KCNIP4: variants seen among roughly 807,000 people sequenced by gnomAD.
KCNIP4 encodes the protein Kv channel-interacting protein 4.
Under a neutral mutation model 34.0 loss-of-function variants are expected in KCNIP4, and 12 were observed. The ratio of observed to expected loss-of-function variants is 0.35; its 90% CI spans 0.23 to 0.57. The LOEUF (loss-of-function observed/expected upper bound fraction) is 0.57, where lower values mean the gene tolerates loss of function less well. KCNIP4 is among the 20% of genes least tolerant of loss of function. KCNIP4 has a pLI of 0.83. For synonymous variants in KCNIP4, 124 were observed against 102.2 expected, an observed-to-expected ratio of 1.21 and a Z score of -1.29; for missense variants, 238 against 311.7, an observed-to-expected ratio of 0.76 and a Z score of 1.78.
intron 1 of KCNIP4, among the ~76,000 whole-genome samples, chr4:21,477,129 G>A (rs1331148317): frequency 6.6e-6 from 1 of 152,186 alleles, no homozygotes. Flanking sequence ...CATGGGTTGA[G>A]TTATAATGAA....
At chr4:21,735,770 G>C (rs1043171427) in intron 1 of KCNIP4, among the ~76,000 whole-genome samples, 1 of 152,042 alleles carries the variant, frequency 6.6e-6, no homozygotes, top group Non-Finnish European at 1.5e-5. Context: ...CGAAGAATGG[G>C]GACTAGCCTG....
chr4:21,871,305 C>T (rs2109366388), intron 1 of KCNIP4, among the ~76,000 whole-genome samples: 1 of 133,896 alleles, frequency 7.5e-6, no homozygotes, highest in Non-Finnish European at 1.6e-5. Context: ...TGTGATGTTC[C>T]CCATATAAAT....
rs193130693 is a variant in KCNIP4 at position 21,736,086 on chromosome 4, T to G, written c.61+212485A>C. 3.7e-4 allele frequency among the ~76,000 whole-genome samples: 57 copies of G among 152,314 alleles called. 1 individual carries two copies. Among genetic ancestry groups the G allele is most frequent in the African/African-American group, 1.3e-3 (55 of 41,582 alleles). ...TCATTTAACCTTAATGTGGTGACTG[T>G]GGAAGCTGTCAGCCTGAGTCCCTGA... On this transcript the variant is annotated intron_variant, in intron 1 of 8. Transcript: ENST00000382152.
chr4:20,757,797 T>C (rs1348954801), intron 4 of KCNIP4, among the ~76,000 whole-genome samples: 1 of 152,044 alleles, frequency 6.6e-6, no homozygotes, highest in African/African-American at 2.4e-5. Context: ...ATAGGTAGGG[T>C]TGTTGGATGG....
intron 1 of KCNIP4, among the ~76,000 whole-genome samples, chr4:21,305,708 C>G (rs1712388578): frequency 6.6e-6 from 1 of 152,240 alleles, no homozygotes; most frequent in South Asian, 2.1e-4. Flanking sequence ...CTCTACCTGA[C>G]AGCTCAGCTT....
chr4:21,899,409 A>G (rs1374331231), intron 1 of KCNIP4, among the ~76,000 whole-genome samples: 2 of 152,196 alleles, frequency 1.3e-5, no homozygotes, highest in Non-Finnish European at 1.5e-5. Flanking sequence ...CCACTGTTAT[A>G]CAATATAGTA....
chr4:21,730,497 C>G (rs1224427694), intron 1 of KCNIP4, among the ~76,000 whole-genome samples: 6 of 151,948 alleles, frequency 3.9e-5, no homozygotes, highest in Non-Finnish European at 8.8e-5. Flanking sequence ...TGGCAAAGCA[C>G]AAAATCATGC....
Position 21,556,920 on chromosome 4 carries a change from C to CAAAAAAAAAAAAAAAAAAA in KCNIP4, c.61+391650_61+391651insTTTTTTTTTTTTTTTTTTT, listed in dbSNP as rs1281543089. Among the ~76,000 whole-genome samples the CAAAAAAAAAAAAAAAAAAA allele has an allele frequency of 1.2e-3, 43 of 35,526 alleles. 1 individual carries two copies. Among genetic ancestry groups the CAAAAAAAAAAAAAAAAAAA allele is most frequent in the East Asian group, 2.5e-3 (2 of 794 alleles). 23.3% of individuals were successfully genotyped at this position (35,526 alleles called of 152,430 possible). ...TGATCAACAAAGCAAGACTCCATCT[C>CAAAAAAAAAAAAAAAAAAA]AGAAAAAAAAAAAAAAAAAAAAACC... On this transcript the variant is annotated intron_variant, in intron 1 of 8. Coordinates refer to ENST00000382152, the MANE Select transcript of KCNIP4 (RefSeq NM_025221.6).
At chr4:21,910,783 A>C (rs1327466920) in intron 1 of KCNIP4, among the ~76,000 whole-genome samples, 1 of 152,204 alleles carries the variant, frequency 6.6e-6, no homozygotes, top group Non-Finnish European at 1.5e-5. Flanking sequence ...TTTTCTCAGA[A>C]GATTAAAAAA....
chr4:20,829,129 T>C (rs1032173800), intron 3 of KCNIP4, among the ~76,000 whole-genome samples: 1 of 152,232 alleles, frequency 6.6e-6, no homozygotes, highest in African/African-American at 2.4e-5. Context: ...TAAACCATTG[T>C]GAAGTGTGTC....
intron 1 of KCNIP4, among the ~76,000 whole-genome samples, chr4:21,100,964 A>C (rs1055550130): frequency 1.3e-5 from 2 of 152,114 alleles, no homozygotes; most frequent in Non-Finnish European, 2.9e-5. Flanking sequence ...TATCACCTAA[A>C]ACCTTCTTAA....
intron 1 of KCNIP4, among the ~76,000 whole-genome samples, chr4:21,109,629 G>T (rs550326168): frequency 2.2e-4 from 33 of 152,282 alleles, no homozygotes; most frequent in African/African-American, 7.7e-4. Flanking sequence ...CCACTGTCTG[G>T]CACTCCCTAG....
rs746017135 is a variant in KCNIP4 at position 20,803,724 on chromosome 4, AGAG to A, written c.289-44837_289-44835del. On this transcript the variant is annotated intron_variant, in intron 3 of 8. Transcript: ENST00000382152. The stretch of plus-strand genomic sequence containing the variant: ...GAGAAAGAGAGAGAGAGAGAGAGAG[AGAG>A]AGGAAGGAAGGAAGGAAGGAAGGAA... 1.2e-3 allele frequency among the ~76,000 whole-genome samples: 81 copies of A among 67,128 alleles called. No homozygotes were observed. The East Asian group carries it at 0.012, about 10-fold the overall frequency. The allele number at this position is 67,128 out of a possible 152,430, so 44.0% of individuals were successfully genotyped here.
intron 1 of KCNIP4, chr4:21,304,069 CAGAGAGAGAGAGAGAGACAGAGAG>C (rs1712107961): frequency 9.4e-5 from 13 of 138,116 alleles, no homozygotes; most frequent in Non-Finnish European, 1.3e-4. Context: ...GAGAGAGAGA[CAGAGAGAGAGAGAGAGACAGAGAG>C]AGAGAGAGAG....
intron 1 of KCNIP4, among the ~76,000 whole-genome samples, chr4:20,893,880 AT>A (rs981748229): frequency 6.6e-6 from 1 of 151,940 alleles, no homozygotes; most frequent in Non-Finnish European, 1.5e-5. Context: ...TTATTTTTAT[AT>A]TTTTTAATTG....
intron 3 of KCNIP4, among the ~76,000 whole-genome samples, chr4:20,772,550 T>C (rs1285103682): frequency 6.6e-6 from 1 of 152,178 alleles, no homozygotes; most frequent in Non-Finnish European, 1.5e-5. Context: ...GGTCATCTGC[T>C]TTGGTGAGGC....
intron 1 of KCNIP4, among the ~76,000 whole-genome samples, chr4:21,040,773 C>T (rs1741884066): frequency 6.6e-6 from 1 of 151,752 alleles, no homozygotes; most frequent in East Asian, 1.9e-4. Context: ...ACCCAAAACA[C>T]AAAAACATGA....
chr4:21,213,222 C>G (rs1052836849), intron 1 of KCNIP4, among the ~76,000 whole-genome samples: 1 of 152,032 alleles, frequency 6.6e-6, no homozygotes. Context: ...GAAATTCCAT[C>G]GAATCCAATC....
At chr4:20,932,316 C>G (rs1250286588) in intron 1 of KCNIP4, among the ~76,000 whole-genome samples, 3 of 19,514 alleles carry the variant, frequency 1.5e-4, no homozygotes, top group Non-Finnish European at 2.5e-4. Context: ...TAGTCTATAA[C>G]AGTCTAATAT....
Sources: gnomAD v4.1 joint callset for allele counts (sites outside exome capture counted in the v4.1 genomes callset) on GRCh38, gnomAD v4.1.1 for gene constraint, MANE v1.5 for transcripts, NCBI Gene and HGNC (gene_info 2026-07-23, HGNC 2026-07-21) for gene names.